DOCK4: variants seen among roughly 807,000 people sequenced by gnomAD.
DOCK4 encodes dedicator of cytokinesis protein 4.
In DOCK4, 97 loss-of-function variants were observed where a neutral mutation model predicts 268.1. The ratio of observed to expected loss-of-function variants is 0.36; its 90% CI spans 0.31 to 0.43. The LOEUF (loss-of-function observed/expected upper bound fraction) is 0.43, where lower values mean the gene tolerates loss of function less well. Among genes scored for constraint, DOCK4 ranks in the 20% least tolerant of loss-of-function variants. DOCK4 has a pLI of 1.00. For synonymous variants in DOCK4, 954 were observed against 887.2 expected, an observed-to-expected ratio of 1.08 and a Z score of -1.34; for missense variants, 2,145 against 2,455.7, an observed-to-expected ratio of 0.87 and a Z score of 2.67.
chr7:111,895,118 A>C (rs1808634412), intron 16 of DOCK4, among the ~76,000 whole-genome samples: 1 of 152,188 alleles, frequency 6.6e-6, no homozygotes, highest in South Asian at 2.1e-4. Flanking sequence ...CTACTACAAT[A>C]CACTTTGTTC....
At position 111,728,680 on chromosome 7, in the gene DOCK4, T is replaced by A. The variant is rs1180487566; in HGVS notation, c.5522A>T (p.His1841Leu). ...QSFTPSPVEY[H>L]SPGLISNSPV... ...GGAGTTGGAGATGAGTCCTGGCGAG[T>A]GGTACTCCACTGGAGAGGGGGTGAA... The change falls in exon 53 of 53, where the codon CAC (histidine) becomes CTC (leucine). Residue 1841 changes from histidine (H) to leucine (L), a missense_variant. Transcript: ENST00000428084. The A allele has an allele frequency of 3.7e-6, 6 of 1,613,158 alleles. No homozygotes were observed. Among genetic ancestry groups the A allele is most frequent in the African/African-American group, 1.3e-5 (1 of 74,736 alleles).
chr7:112,034,270 T>G (rs1586686693), intron 1 of DOCK4, among the ~76,000 whole-genome samples: 1 of 152,270 alleles, frequency 6.6e-6, no homozygotes, highest in Non-Finnish European at 1.5e-5. Context: ...TTAAAGGAAC[T>G]AAGCAAGAAA....
intron 25 of DOCK4, among the ~76,000 whole-genome samples, chr7:111,843,447 G>A (rs1317723313): frequency 6.6e-6 from 1 of 152,118 alleles, no homozygotes; most frequent in Non-Finnish European, 1.5e-5. Flanking sequence ...ATATATAGAT[G>A]GCAAATAAGT....
chr7:111,933,318 T>G (rs1794423146), intron 12 of DOCK4, among the ~76,000 whole-genome samples: 1 of 136,358 alleles, frequency 7.3e-6, no homozygotes, highest in African/African-American at 2.8e-5. Flanking sequence ...TTTTTTGAGA[T>G]GGAGTCTCTC....
At chr7:111,868,181 G>C in intron 21 of DOCK4, 27 bp from the exon 22 acceptor site, 1 of 1,527,996 alleles carries the variant, frequency 6.5e-7, no homozygotes, top group Non-Finnish European at 8.9e-7. Flanking sequence ...TTAAAAGTTA[G>C]CTTCAAAGGA....
chr7:111,983,947 G>T (rs533269669), intron 7 of DOCK4, among the ~76,000 whole-genome samples: 1 of 151,626 alleles, frequency 6.6e-6, no homozygotes, highest in East Asian at 1.9e-4. Flanking sequence ...GAGCCAAGAC[G>T]AAACACCCAT....
At chr7:112,074,812 C>T (rs1343135115) in intron 1 of DOCK4, among the ~76,000 whole-genome samples, 1 of 152,180 alleles carries the variant, frequency 6.6e-6, no homozygotes, top group Non-Finnish European at 1.5e-5. Context: ...GGATCCCAGG[C>T]CCACAGGGAT....
intron 1 of DOCK4, 112 bp downstream of exon 1, chr7:112,205,990 C>A: frequency 1.6e-6 from 2 of 1,240,590 alleles, no homozygotes; most frequent in South Asian, 1.3e-5. Flanking sequence ...TGCGCGATGC[C>A]AGGATTAGGC....
intron 10 of DOCK4, 100 bp from the exon 11 acceptor site, chr7:111,940,342 A>G: frequency 6.6e-7 from 1 of 1,516,456 alleles, no homozygotes; most frequent in African/African-American, 1.4e-5. Context: ...TTGAAATGTA[A>G]TTGGGCAATA....
intron 1 of DOCK4, among the ~76,000 whole-genome samples, chr7:112,023,151 A>G (rs1322055294): frequency 6.6e-6 from 1 of 151,374 alleles, no homozygotes; most frequent in Non-Finnish European, 1.5e-5. Flanking sequence ...CTGGTCTTGA[A>G]CTCCTGACCC....
intron 30 of DOCK4, among the ~76,000 whole-genome samples, chr7:111,797,874 C>T (rs1168360268): frequency 6.6e-6 from 1 of 152,066 alleles, no homozygotes; most frequent in African/African-American, 2.4e-5. Context: ...TTCTAAAAAA[C>T]AAGTTTATTA....
intron 1 of DOCK4, among the ~76,000 whole-genome samples, chr7:112,167,790 T>C (rs898986748): frequency 2.0e-5 from 3 of 152,222 alleles, no homozygotes; most frequent in Admixed American, 6.5e-5. Context: ...TAAAGTACTA[T>C]ACTAAATAAT....
chr7:111,845,447 A>C (rs1038442726), intron 24 of DOCK4, among the ~76,000 whole-genome samples: 2 of 152,206 alleles, frequency 1.3e-5, no homozygotes, highest in Non-Finnish European at 1.5e-5. Context: ...ATCTAAGGTC[A>C]GTGGCCATGT....
At chr7:111,996,984 T>C (rs1240108552) in intron 4 of DOCK4, among the ~76,000 whole-genome samples, 1 of 152,192 alleles carries the variant, frequency 6.6e-6, no homozygotes, top group Non-Finnish European at 1.5e-5. Flanking sequence ...AGGTCAGGGT[T>C]GGGCTTGGGA....
At chr7:111,974,196 G>A (rs1006056584) in intron 8 of DOCK4, among the ~76,000 whole-genome samples, 4 of 152,002 alleles carry the variant, frequency 2.6e-5, no homozygotes, top group Non-Finnish European at 5.9e-5. Flanking sequence ...CTGTGTTCCC[G>A]GCAGTTTGAA....
rs758456010 is a variant in DOCK4 at position 111,728,586 on chromosome 7, T to C, written c.5616A>G (p.Ser1872=). The C allele has an allele frequency of 6.2e-7, 1 of 1,614,000 alleles. No homozygotes were observed. ...GTTCATTCACCTGATTTTCAAAGCC[T>C]GAGGTTTCCGACGTGCTGCACCGGC... is the stretch of plus-strand genomic sequence containing the variant. The part of the protein sequence containing the change: ...SLSRCSTSET[S]GFENQVNEQS... The change falls in exon 53 of 53, where the codon TCA becomes TCG. Residue 1872 remains serine (S), a synonymous_variant. Transcript: ENST00000428084.
Position 111,790,613 on chromosome 7 carries a change from G to A in DOCK4, c.3167-8C>T. The stretch of plus-strand genomic sequence containing the variant: ...AATGAAGCTTGTGCTCTCCTAAAGT[G>A]AGAAAAATATTTGAGTTTCAATATA... On this transcript the variant is annotated splice_polypyrimidine_tract_variant and splice_region_variant and intron_variant, in intron 30 of 52. Transcript: ENST00000428084. 6.3e-7 allele frequency: 1 copy of A among 1,579,342 alleles called. No individual in the cohort carries two copies. Among genetic ancestry groups the A allele is most frequent in the Non-Finnish European group, 8.6e-7 (1 of 1,166,414 alleles).
At chr7:111,766,891 A>G in intron 38 of DOCK4, 141 bp downstream of exon 38, 1 of 607,358 alleles carries the variant, frequency 1.6e-6, no homozygotes, top group Middle Eastern at 2.8e-4. Context: ...ATTTCTCTAT[A>G]TAAATAGCTA....
intron 1 of DOCK4, among the ~76,000 whole-genome samples, chr7:112,018,487 C>T (rs1331238284): frequency 1.3e-5 from 2 of 152,086 alleles, no homozygotes; most frequent in East Asian, 3.9e-4. Context: ...ACCAGGTTCC[C>T]CTGGGAATCA....
Sources: allele counts gnomAD v4.1 joint callset (sites outside exome capture counted in the v4.1 genomes callset), GRCh38; gene constraint gnomAD v4.1.1; transcripts MANE v1.5; gene names NCBI Gene and HGNC (gene_info 2026-07-23, HGNC 2026-07-21).